The following DNAJA3 variants were observed in gnomAD, a reference collection of about 807,000 sequenced individuals.
DNAJA3 encodes dnaJ homolog subfamily A member 3, mitochondrial.
A neutral mutation model predicts 54.9 loss-of-function variants in DNAJA3; 29 were observed. The ratio of observed to expected loss-of-function variants is 0.53; its 90% CI spans 0.39 to 0.72. The LOEUF is 0.72. DNAJA3 is among the 30% of genes least tolerant of loss of function. DNAJA3 has a pLI of 0.00. For missense variants in DNAJA3, 708 were observed against 639.4 expected (o/e 1.11, Z -1.16); for synonymous variants, 302 against 251.4 (o/e 1.20, Z -1.90).
In DNAJA3 at chr16:4,456,233, G is replaced by T. The variant is rs547800803; in HGVS notation, c.*701G>T. On this transcript the variant is annotated 3_prime_UTR_variant, in exon 12 of 12. Coordinates refer to ENST00000262375, the MANE Select transcript of DNAJA3 (RefSeq NM_005147.6). ...CAGTCCTTGCTCCCACCCCATCCGG[G>T]ATGGCCGCCTGTCCCTGACTATTGA... 471 of 152,736 alleles carry T rather than the reference G, an allele frequency of 3.1e-3. 4 individuals are homozygous for T. Among genetic ancestry groups the T allele is most frequent in the African/African-American group, 0.011 (443 of 41,560 alleles). 9.5% of individuals were successfully genotyped at this position (152,736 alleles called of 1,614,324 possible). A position where few individuals can be genotyped will look rare whatever the true frequency, so the allele number is the denominator to read the frequency against.
At position 4,442,377 on chromosome 16, in the gene DNAJA3, G is replaced by A; in HGVS notation, c.740G>A (p.Gly247Asp). ...TGCAACGGCAAGGGGAACGAGCCCG[G>A]CACCAAGGTGCAGCATTGCCACTAC... ...ERCNGKGNEPGTKVQHCHYCG... is the reference protein window; with the variant it reads ...ERCNGKGNEPDTKVQHCHYCG... The change falls in exon 5 of 12, where the codon GGC becomes GAC. Residue 247 changes from glycine to aspartate, a missense_variant. By Grantham distance (94) the Gly-to-Asp change is moderately conservative (BLOSUM62 -1). Transcript: ENST00000262375. 6.2e-7 allele frequency: 1 copy of A among 1,609,016 alleles called. No individual in the cohort carries two copies. The highest frequency in any genetic ancestry group is 8.5e-7 in the Non-Finnish European group (1 of 1,177,528).
At chr16:4,435,540 G>A (rs1290790075) in intron 2 of DNAJA3, among the ~76,000 whole-genome samples, 1 of 152,084 alleles carries the variant, frequency 6.6e-6, no homozygotes, top group Non-Finnish European at 1.5e-5. Context: ...TGCCTCTTTG[G>A]ATTTGCCTAT....
In DNAJA3 at chr16:4,442,312, C is replaced by G. The variant is rs766186331; in HGVS notation, c.675C>G (p.Asn225Lys). ...TCAATCAAGCTGCAAAGGGGGTCAA[C>G]AAGGAGTTCACCGTGAACATCATGG... ...LTFNQAAKGV[N>K]KEFTVNIMDT... Residue 225 changes from asparagine to lysine, a missense_variant, in exon 5 of 12, where the codon AAC becomes AAG. Transcript: ENST00000262375. 1.9e-6 allele frequency: 3 copies of G among 1,605,816 alleles called. No homozygotes were observed. Among genetic ancestry groups the G allele is most frequent in the Non-Finnish European group, 2.6e-6 (3 of 1,175,682 alleles).
chr16:4,443,365 A>T (rs1196543917), intron 6 of DNAJA3, among the ~76,000 whole-genome samples: 1 of 152,094 alleles, frequency 6.6e-6, no homozygotes, highest in Non-Finnish European at 1.5e-5. Flanking sequence ...TGTTTCTGCC[A>T]GTTATCCTTA....
At position 4,442,118 on chromosome 16, in the gene DNAJA3, T is replaced by C. The variant is rs916567064; in HGVS notation, c.631-150T>C. ...AGGGCAGAATTCGTTCAGTGAGTCC[T>C]ACCTATGCTTACTTGGCAGAGTGCA... On this transcript the variant is annotated intron_variant, in intron 4 of 11. Transcript: ENST00000262375. 1.8e-4 allele frequency: 132 copies of C among 741,126 alleles called. No individual in the cohort carries two copies. The African/African-American group carries it at 2.2e-3, about 12-fold the overall frequency. 45.9% of individuals were successfully genotyped at this position (741,126 alleles called of 1,614,324 possible).
chr16:4,429,333 C>T (rs969277802), intron 1 of DNAJA3, among the ~76,000 whole-genome samples: 2 of 152,158 alleles, frequency 1.3e-5, no homozygotes, highest in African/African-American at 2.4e-5. Context: ...AAGTGATCCT[C>T]TTGCCTCAGT....
In DNAJA3 at chr16:4,446,966, T is replaced by C; in HGVS notation, c.1077T>C (p.Leu359=). 1 of 1,614,098 alleles carries C rather than the reference T, an allele frequency of 6.2e-7. No individual in the cohort carries two copies. Among genetic ancestry groups the C allele is most frequent in the Non-Finnish European group, 8.5e-7 (1 of 1,179,992 alleles). The change falls in exon 8 of 12, where the codon CTT becomes CTC. Residue 359 remains leucine, a synonymous_variant. Coordinates refer to ENST00000262375, the MANE Select transcript of DNAJA3 (RefSeq NM_005147.6). ...DLFISIAQAL[L]GGTARAQGLY... is the part of the protein sequence containing the mutation. ...TTATTTCTATAGCTCAGGCTCTTCT[T>C]GGGGGTACAGCCAGAGCCCAGGGCC...
At chr16:4,426,718 C>A (rs951639822) in intron 1 of DNAJA3, among the ~76,000 whole-genome samples, 2 of 152,184 alleles carry the variant, frequency 1.3e-5, no homozygotes, top group Non-Finnish European at 2.9e-5. Flanking sequence ...TGAGCACTTA[C>A]TGTTGGCCAG....
chr16:4,442,807 G>GAT, intron 5 of DNAJA3: 1 of 601,084 alleles, frequency 1.7e-6, no homozygotes, highest in East Asian at 2.8e-5. Flanking sequence ...TGGTCAAGTT[G>GAT]ATGATCTGGA....
intron 5 of DNAJA3, 61 bp downstream of exon 5, chr16:4,442,481 T>G (rs546837528): frequency 6.7e-7 from 1 of 1,494,002 alleles, no homozygotes; most frequent in East Asian, 2.4e-5. Flanking sequence ...GAAGAGCTGG[T>G]TGTGGCACTG....
chr16:4,432,158 T>G (rs2056711256), intron 1 of DNAJA3, among the ~76,000 whole-genome samples: 1 of 149,786 alleles, frequency 6.7e-6, no homozygotes, highest in East Asian at 1.9e-4. Context: ...AAACATCTAG[T>G]ATGTCATATA....
chr16:4,441,157 CT>C, intron 3 of DNAJA3: 1 of 558,882 alleles, frequency 1.8e-6, no homozygotes, highest in Non-Finnish European at 3.1e-6. Context: ...GTTCGTGAGA[CT>C]TTTGGAAGCA....
intron 3 of DNAJA3, among the ~76,000 whole-genome samples, chr16:4,438,629 T>C (rs936316475): frequency 8.7e-6 from 1 of 114,780 alleles, no homozygotes; most frequent in African/African-American, 3.3e-5. Flanking sequence ...TTTTTGACAA[T>C]CTTTTCTTTT....
At chr16:4,449,185 A>C (rs12446315) in intron 9 of DNAJA3, among the ~76,000 whole-genome samples, 8,981 of 150,330 alleles carry the variant, frequency 0.06, 361 homozygotes, top group African/African-American at 0.11. Context: ...TTTAGTAGAG[A>C]TGGGGTTTCA....
rs1196964336 is a variant in DNAJA3 at position 4,425,908 on chromosome 16, G to T, written c.27G>T (p.Trp9Cys). The T allele has an allele frequency of 4.5e-6, 7 of 1,544,914 alleles. No homozygotes were observed. The highest frequency in any genetic ancestry group is 6.1e-6 in the Non-Finnish European group (7 of 1,146,304). The change falls in exon 1 of 12, where the codon TGG becomes TGT. Residue 9 changes from tryptophan (W) to cysteine (C), a missense_variant. By Grantham distance (215) the Trp-to-Cys change is radical. Transcript: ENST00000262375. ...TGGCTGCGCGGTGCTCCACACGCTG[G>T]TTGCTGGTGGTTGTGGGGACCCCGC... MAARCSTR[W>C]LLVVVGTPRL...
rs1006777262 is a variant in DNAJA3, at chr16:4,434,330, T to G, written c.212-54T>G. On this transcript the variant is annotated intron_variant, in intron 1 of 11. Transcript: ENST00000262375. Reference sequence around the variant, plus strand: ...GCCTGGTGGGTCATGTACTCACAGTTTTCTTTTGTTGAGAACATTCCCAGA... The same window carrying G: ...GCCTGGTGGGTCATGTACTCACAGTGTTCTTTTGTTGAGAACATTCCCAGA... 1.9e-6 allele frequency: 3 copies of G among 1,592,912 alleles called. No homozygotes were observed. The African/African-American group carries it at 4.1e-5, about 22-fold the overall frequency.
chr16:4,454,660 C>G (rs988497297), intron 10 of DNAJA3, 151 bp from the exon 11 acceptor site: 11 of 612,124 alleles, frequency 1.8e-5, no homozygotes, highest in Non-Finnish European at 3.2e-5. Context: ...CCTGTGCCAT[C>G]TTAGGAGTGG....
At chr16:4,426,786 TAA>T (rs1389749058) in intron 1 of DNAJA3, 1 of 152,232 alleles carries the variant, frequency 6.6e-6, no homozygotes, top group African/African-American at 2.4e-5. Flanking sequence ...TTCCATTTTA[TAA>T]AGATACTGAG....
At chr16:4,439,023 A>AT (rs942359420) in intron 3 of DNAJA3, among the ~76,000 whole-genome samples, 107 of 148,776 alleles carry the variant, frequency 7.2e-4, no homozygotes, top group Middle Eastern at 3.4e-3. Context: ...GATAAGATTA[A>AT]TTTTTTTTTT....
Sources: gnomAD v4.1 joint callset for allele counts (sites outside exome capture counted in the v4.1 genomes callset) on GRCh38, gnomAD v4.1.1 for gene constraint, MANE v1.5 for transcripts, NCBI Gene and HGNC (gene_info 2026-07-23, HGNC 2026-07-21) for gene names.